TMA7B: variants seen among roughly 807,000 people sequenced by gnomAD.
The protein encoded by TMA7B is translation machinery-associated protein 7B.
chr22:39,962,030 C>A, the TMA7B span, among the ~76,000 whole-genome samples: 2 of 152,192 alleles, frequency 1.3e-5, no homozygotes, highest in Non-Finnish European at 2.9e-5. Flanking sequence ...ATTTTCATAG[C>A]TTGGAGAATG....
At chr22:39,964,752 A>G in the TMA7B span, 1 of 484,578 alleles carries the variant, frequency 2.1e-6, no homozygotes, top group Non-Finnish European at 3.6e-6. Flanking sequence ...GTGGCTCATC[A>G]TCTCTTTAGT....
At chr22:39,964,268 G>T in the TMA7B span, 1 of 626,092 alleles carries the variant, frequency 1.6e-6, no homozygotes, top group Non-Finnish European at 2.8e-6. Context: ...TCTAGCCCTG[G>T]TTCGAATGTG....
the TMA7B span, among the ~76,000 whole-genome samples, chr22:39,961,102 C>T: frequency 3.0e-4 from 46 of 152,194 alleles, no homozygotes; most frequent in African/African-American, 1.1e-3. Flanking sequence ...CACACCACCA[C>T]ACCTGGCTAA....
chr22:39,962,500 G>T, the TMA7B span, among the ~76,000 whole-genome samples: 12 of 151,966 alleles, frequency 7.9e-5, no homozygotes, highest in African/African-American at 2.9e-4. Context: ...TTTAACATGC[G>T]TGTATATATA....
the TMA7B span, among the ~76,000 whole-genome samples, chr22:39,962,243 T>C: frequency 1.3e-5 from 2 of 152,122 alleles, no homozygotes; most frequent in African/African-American, 4.8e-5. Context: ...GGGCAACTAG[T>C]GAGACCTCAT....
chr22:39,961,073 G>A, the TMA7B span, among the ~76,000 whole-genome samples: 1 of 150,832 alleles, frequency 6.6e-6, no homozygotes, highest in Non-Finnish European at 1.5e-5. Context: ...AGCCTCTCAA[G>A]TAGCTGGGGA....
the TMA7B span, among the ~76,000 whole-genome samples, chr22:39,963,147 CATTATTAATTATTTTTACATCTGTCA>C: frequency 6.6e-6 from 1 of 152,278 alleles, no homozygotes; most frequent in Non-Finnish European, 1.5e-5. Context: ...AAAGCAAAAT[CATTATTAATTATTTTTACATCTGTCA>C]TGGGCACAGA....
chr22:39,964,345 G>A, the TMA7B span: 1 of 706,848 alleles, frequency 1.4e-6, no homozygotes, highest in Admixed American at 2.0e-5. Context: ...TCGTCCAGTG[G>A]CAGGGTCTGG....
chr22:39,961,924 C>T, the TMA7B span, among the ~76,000 whole-genome samples: 1 of 152,210 alleles, frequency 6.6e-6, no homozygotes, highest in Non-Finnish European at 1.5e-5. Flanking sequence ...TTAAAAATAA[C>T]AGGTCAACAA....
At chr22:39,963,032 C>A in the TMA7B span, among the ~76,000 whole-genome samples, 2 of 152,200 alleles carry the variant, frequency 1.3e-5, no homozygotes, top group Non-Finnish European at 2.9e-5. Flanking sequence ...GCCTTGACTT[C>A]TACCGAAGTC....
At chr22:39,961,404 G>A in the TMA7B span, among the ~76,000 whole-genome samples, 2 of 152,088 alleles carry the variant, frequency 1.3e-5, no homozygotes, top group Admixed American at 6.6e-5. Flanking sequence ...CATGCCAAGG[G>A]GTGTCGTTTT....
the TMA7B span, chr22:39,964,647 C>A: frequency 3.4e-6 from 2 of 580,078 alleles, no homozygotes; most frequent in East Asian, 5.7e-5. Flanking sequence ...CCTATAATAT[C>A]TTTTGCCACC....
chr22:39,961,134 TG>T, the TMA7B span, among the ~76,000 whole-genome samples: 1 of 152,108 alleles, frequency 6.6e-6, no homozygotes, highest in Admixed American at 6.5e-5. Flanking sequence ...CTTATTTCTT[TG>T]TAGAGACTAG....
the TMA7B span, among the ~76,000 whole-genome samples, chr22:39,963,011 C>T: frequency 1.3e-5 from 2 of 152,132 alleles, no homozygotes; most frequent in African/African-American, 4.8e-5. Context: ...GTGAGTTCTA[C>T]AAAACAGTAG....
At chr22:39,961,811 A>G in the TMA7B span, among the ~76,000 whole-genome samples, 1 of 152,246 alleles carries the variant, frequency 6.6e-6, no homozygotes, top group Non-Finnish European at 1.5e-5. Context: ...TTTGAAAGGC[A>G]TAAAGCTTTG....
At chr22:39,962,125 A>T in the TMA7B span, among the ~76,000 whole-genome samples, 2 of 152,254 alleles carry the variant, frequency 1.3e-5, no homozygotes, top group African/African-American at 4.8e-5. Context: ...CTCCATTAAC[A>T]TATATTACAA....
At chr22:39,961,546 G>A in the TMA7B span, among the ~76,000 whole-genome samples, 2 of 152,186 alleles carry the variant, frequency 1.3e-5, no homozygotes, top group Non-Finnish European at 2.9e-5. Flanking sequence ...CTGTAACAGC[G>A]AAATCTCACT....
At chr22:39,963,150 T>G in the TMA7B span, among the ~76,000 whole-genome samples, 1 of 152,212 alleles carries the variant, frequency 6.6e-6, no homozygotes, top group Non-Finnish European at 1.5e-5. Flanking sequence ...GCAAAATCAT[T>G]ATTAATTATT....
the TMA7B span, chr22:39,964,386 C>T: frequency 5.3e-5 from 40 of 760,700 alleles, no homozygotes; most frequent in Non-Finnish European, 7.6e-5. Context: ...TGTCCAGCCA[C>T]GAAGGTGGCA....
Sources: allele counts gnomAD v4.1 joint callset (sites outside exome capture counted in the v4.1 genomes callset), GRCh38; gene constraint gnomAD v4.1.1; transcripts MANE v1.5; gene names NCBI Gene and HGNC (gene_info 2026-07-23, HGNC 2026-07-21).